Variants in CSMD2 observed in about 807,000 individuals in gnomAD.
CSMD2 encodes the protein CUB and sushi domain-containing protein 2.
A neutral mutation model predicts 398.5 loss-of-function variants in CSMD2; 130 were observed. The ratio of observed to expected loss-of-function variants is 0.33; its 90% CI spans 0.28 to 0.38. CSMD2 has a LOEUF of 0.38. Ranked by LOEUF, CSMD2 falls within the 10% of genes least tolerant of loss-of-function variation. The probability of loss-of-function intolerance (pLI) is 1.00; values close to 1 mark genes in which losing one functional copy is unlikely to be tolerated. For missense variants in CSMD2, 3,829 were observed against 4,764.9 expected, an observed-to-expected ratio of 0.80 and a Z score of 5.78; for synonymous variants, 1,828 against 1,908.5, an observed-to-expected ratio of 0.96 and a Z score of 1.10.
intron 5 of CSMD2, among the ~76,000 whole-genome samples, chr1:33,884,306 C>T (rs1641437423): frequency 6.6e-6 from 1 of 151,880 alleles, no homozygotes; most frequent in South Asian, 2.1e-4. Context: ...TCCTTACATC[C>T]TTCTACCTCT....
At position 34,096,986 on chromosome 1, in the gene CSMD2, G is replaced by A. The variant is rs1237755344; in HGVS notation, c.188-7793C>T. 2.1e-4 allele frequency among the ~76,000 whole-genome samples: 31 copies of A among 150,006 alleles called. 1 individual carries two copies. The South Asian group carries it at 3.2e-3, about 15-fold the overall frequency. On this transcript the variant is annotated intron_variant, in intron 1 of 70. Transcript: ENST00000373381. ...CTAAGCCAAAAGAACAAAGCTGGAG[G>A]CATCACACTACCTGACTTCAAACTA...
chr1:33,961,535 T>C (rs1645359751), intron 3 of CSMD2, among the ~76,000 whole-genome samples: 1 of 152,136 alleles, frequency 6.6e-6, no homozygotes, highest in African/African-American at 2.4e-5. Context: ...TGTGTGACTT[T>C]GAGAACTACA....
chr1:33,833,352 C>T (rs1659835557), intron 6 of CSMD2, among the ~76,000 whole-genome samples: 4 of 143,950 alleles, frequency 2.8e-5, no homozygotes, highest in Admixed American at 2.1e-4. Flanking sequence ...TCAATATACG[C>T]AAATCAATAA....
At chr1:33,866,213 T>C (rs550694648) in intron 5 of CSMD2, among the ~76,000 whole-genome samples, 1 of 152,270 alleles carries the variant, frequency 6.6e-6, no homozygotes, top group South Asian at 2.1e-4. Context: ...AACAGGTCAT[T>C]TGTGGAGGAT....
intron 40 of CSMD2, among the ~76,000 whole-genome samples, chr1:33,613,355 G>A (rs1054658091): frequency 6.6e-6 from 1 of 152,166 alleles, no homozygotes; most frequent in East Asian, 1.9e-4. Context: ...CCTCAAGACT[G>A]GATGCAGAGG....
At chr1:33,773,290 G>T (rs147733269) in intron 12 of CSMD2, among the ~76,000 whole-genome samples, 1 of 152,248 alleles carries the variant, frequency 6.6e-6, no homozygotes, top group Non-Finnish European at 1.5e-5. Context: ...TCCCAAACCA[G>T]AGATTAATTG....
At chr1:34,160,616 A>G (rs1227090893) in intron 1 of CSMD2, among the ~76,000 whole-genome samples, 1 of 152,244 alleles carries the variant, frequency 6.6e-6, no homozygotes, top group Non-Finnish European at 1.5e-5. Context: ...TCAAACAGCC[A>G]TACATCAAGC....
At chr1:34,030,939 A>G (rs72882633) in intron 3 of CSMD2, among the ~76,000 whole-genome samples, 5,253 of 152,252 alleles carry the variant, frequency 0.035, 111 homozygotes, top group Middle Eastern at 0.12. Flanking sequence ...GGAAGGAGCT[A>G]ATGGCCAGAC....
chr1:33,599,525 T>C (rs1408432442), intron 44 of CSMD2: 3 of 152,252 alleles, frequency 2.0e-5, no homozygotes, highest in Admixed American at 1.3e-4. Flanking sequence ...ACATTGAGGC[T>C]CAGAAGGGTG....
chr1:33,958,595 T>G (rs2125389307), intron 3 of CSMD2, among the ~76,000 whole-genome samples: 1 of 152,306 alleles, frequency 6.6e-6, no homozygotes, highest in South Asian at 2.1e-4. Flanking sequence ...CCTGAGGGTT[T>G]AGAGGTTAGA....
rs148084564 is a variant in CSMD2, at chr1:33,663,761, A to C, written c.4053-669T>G. ...AAGTAGTAACCTGAATTTTTCTGGA[A>C]CCAAAGATTCCAACAGCCAAAGATA... On this transcript the variant is annotated intron_variant, in intron 25 of 70. Transcript: ENST00000373381. Among the ~76,000 whole-genome samples, 885 of 152,350 alleles carry C rather than the reference A, an allele frequency of 5.8e-3. 11 individuals carry two copies. Among genetic ancestry groups the C allele is most frequent in the African/African-American group, 0.02 (842 of 41,588 alleles).
intron 44 of CSMD2, among the ~76,000 whole-genome samples, chr1:33,596,130 G>T (rs1391780784): frequency 6.6e-6 from 1 of 152,126 alleles, no homozygotes; most frequent in South Asian, 2.1e-4. Flanking sequence ...ACGTATTAAC[G>T]TATTCGATCA....
Position 33,819,820 on chromosome 1 carries a change from T to C in CSMD2, c.1217A>G (p.Gln406Arg). ...GTCATAGCCCTCGTTGCAGGTGAACTGGACGCTGGATCCTAACCTGGGAGA... is the reference window on the plus strand; with the variant it reads ...GTCATAGCCCTCGTTGCAGGTGAACCGGACGCTGGATCCTAACCTGGGAGA... ...GSDFRLGSSV[Q>R]FTCNEGYDLQ... Residue 406 changes from glutamine to arginine, a missense_variant, in exon 9 of 71, where the codon CAG becomes CGG. Gln to Arg is a conservative substitution (Grantham distance 43, BLOSUM62 1). This residue lies in a region of CSMD2 where 2,001 missense variants were observed against 2,567.1 expected (regional missense o/e 0.78). Transcript: ENST00000373381. 1 of 1,614,138 alleles carries C rather than the reference T, an allele frequency of 6.2e-7. No homozygotes were observed. The highest frequency in any genetic ancestry group is 8.5e-7 in the Non-Finnish European group (1 of 1,180,006).
rs370729424 is a variant in CSMD2, at chr1:33,527,222, C to T, written c.10208G>A (p.Arg3403Gln). 1.4e-5 allele frequency: 23 copies of T among 1,613,942 alleles called. No individual in the cohort carries two copies. Among genetic ancestry groups the T allele is most frequent in the South Asian group, 2.2e-5 (2 of 91,078 alleles). ...RPSGRPINTA[R>Q]EPPLTQALIP... ...CAAGGCTTGGGTGAGCGGTGGCTCC[C>T]GGGCAGTGTTGATGGGTCTCCCACT... Residue 3403 changes from arginine (R) to glutamine (Q), a missense_variant, in exon 65 of 71, where the codon CGG becomes CAG. By Grantham distance (43) the Arg-to-Gln change is conservative. This residue lies in a region of CSMD2 where 917 missense variants were observed against 1,199.5 expected (regional missense o/e 0.76). Transcript: ENST00000373381.
Position 34,106,921 on chromosome 1 carries a change from T to G in CSMD2, c.188-17728A>C, listed in dbSNP as rs186758346. Among the ~76,000 whole-genome samples the G allele has an allele frequency of 2.2e-3, 338 of 152,364 alleles. 1 individual carries two copies. Among genetic ancestry groups the G allele is most frequent in the African/African-American group, 7.9e-3 (328 of 41,594 alleles). ...ATTGCGGACCAAACATGATTTTCCCTGCATGGTGATACAGATGCAGTTCAT... is the reference window on the plus strand; with the variant it reads ...ATTGCGGACCAAACATGATTTTCCCGGCATGGTGATACAGATGCAGTTCAT... On this transcript the variant is annotated intron_variant, in intron 1 of 70. Transcript: ENST00000373381.
intron 5 of CSMD2, among the ~76,000 whole-genome samples, chr1:33,851,191 C>T (rs1308746561): frequency 6.6e-6 from 1 of 152,112 alleles, no homozygotes; most frequent in East Asian, 1.9e-4. Flanking sequence ...CAAGTGAGGG[C>T]CACTCCCACT....
chr1:34,158,609 G>A (rs898278259), intron 1 of CSMD2, among the ~76,000 whole-genome samples: 1 of 152,228 alleles, frequency 6.6e-6, no homozygotes, highest in African/African-American at 2.4e-5. Flanking sequence ...GTGGCAGAGT[G>A]TATGAATTGT....
intron 3 of CSMD2, among the ~76,000 whole-genome samples, chr1:33,944,239 C>T (rs75021807): frequency 5.3e-5 from 8 of 151,666 alleles, no homozygotes; most frequent in South Asian, 2.1e-4. Context: ...CGCCCCCCCC[C>T]CAACTCCTGT....
intron 26 of CSMD2, 123 bp from the exon 27 acceptor site, chr1:33,658,260 C>CCAT (rs536815393): frequency 1.1e-5 from 8 of 724,382 alleles, no homozygotes; most frequent in Non-Finnish European, 1.6e-5. Context: ...CAGAACCTCC[C>CCAT]CATCATCATC....
Sources: allele counts gnomAD v4.1 joint callset (sites outside exome capture counted in the v4.1 genomes callset), GRCh38; gene constraint gnomAD v4.1.1; regional missense constraint gnomAD v4.1.1; transcripts MANE v1.5; gene names NCBI Gene and HGNC (gene_info 2026-07-23, HGNC 2026-07-21).